Variants in TMEM132C observed in about 807,000 individuals in gnomAD.
The protein encoded by TMEM132C is protein phosphatase 1, regulatory subunit 152.
TMEM132C carries 29 observed loss-of-function variants against 61.4 expected under a neutral mutation model. The ratio of observed to expected loss-of-function variants is 0.47; its 90% CI spans 0.35 to 0.64. The LOEUF (loss-of-function observed/expected upper bound fraction) is 0.64. Among genes scored for constraint, TMEM132C ranks in the 30% least tolerant of loss-of-function variants. TMEM132C has a pLI of 0.00. For missense variants in TMEM132C, 1,408 were observed against 1,476.9 expected, an observed-to-expected ratio of 0.95 and a Z score of 0.76; for synonymous variants, 656 against 633.1, an observed-to-expected ratio of 1.04 and a Z score of -0.54.
chr12:128,494,613 A>C (rs1871871896), intron 2 of TMEM132C, among the ~76,000 whole-genome samples: 1 of 152,140 alleles, frequency 6.6e-6, no homozygotes, highest in African/African-American at 2.4e-5. Context: ...CATTTCTTCT[A>C]GATTTTTTAG....
Position 128,420,742 on chromosome 12 carries a change from G to A in TMEM132C, c.974+5122G>A, listed in dbSNP as rs528037209. Among the ~76,000 whole-genome samples the A allele has an allele frequency of 5.6e-4, 86 of 152,286 alleles. 1 individual carries two copies. The highest frequency in any genetic ancestry group is 6.8e-3 in the Middle Eastern group (2 of 294). ...AGATTTGTGGGCACACTTGTGTGAA[G>A]GAGACACAGCATCAGGATGTTGGGG... On this transcript the variant is annotated intron_variant, in intron 2 of 8. Transcript: ENST00000435159.
At chr12:128,483,787 A>C (rs1871395082) in intron 2 of TMEM132C, among the ~76,000 whole-genome samples, 1 of 152,190 alleles carries the variant, frequency 6.6e-6, no homozygotes, top group South Asian at 2.1e-4. Flanking sequence ...ATACAAGTAC[A>C]ACGTATTTCA....
intron 1 of TMEM132C, among the ~76,000 whole-genome samples, chr12:128,279,354 G>A (rs1038855313): frequency 1.9e-4 from 29 of 152,048 alleles, no homozygotes; most frequent in African/African-American, 5.8e-4. Flanking sequence ...TTAGCCCGAC[G>A]GGAAGATCTA....
At chr12:128,484,065 A>T (rs767013754) in intron 2 of TMEM132C, among the ~76,000 whole-genome samples, 5 of 152,264 alleles carry the variant, frequency 3.3e-5, no homozygotes, top group Admixed American at 1.3e-4. Flanking sequence ...ACTGAAGAGC[A>T]TTTGCACCAT....
intron 1 of TMEM132C, among the ~76,000 whole-genome samples, chr12:128,333,333 G>T (rs1032305444): frequency 2.0e-5 from 3 of 152,004 alleles, no homozygotes; most frequent in Non-Finnish European, 4.4e-5. Flanking sequence ...TGCGAGTGTT[G>T]TGTGTATGTG....
rs200813358 is a variant in TMEM132C, at chr12:128,298,419, CT to C, written c.85+30942del. Among the ~76,000 whole-genome samples the C allele has an allele frequency of 9.9e-5, 15 of 150,894 alleles. No homozygotes were observed. In the South Asian group the frequency reaches 2.1e-3, roughly 21 times the overall value. On this transcript the variant is annotated intron_variant, in intron 1 of 8. Coordinates refer to ENST00000435159, the MANE Select transcript of TMEM132C (RefSeq NM_001136103.3). ...TTTTTTGTCTGTTTATTTGTTTTAACTTTTTTTTTTAAATAGAGACTCACAG... is the reference window on the plus strand; with the variant it reads ...TTTTTTGTCTGTTTATTTGTTTTAACTTTTTTTTTAAATAGAGACTCACAG...
chr12:128,424,655 G>A (rs1347274515), intron 2 of TMEM132C, among the ~76,000 whole-genome samples: 3 of 152,152 alleles, frequency 2.0e-5, no homozygotes, highest in Non-Finnish European at 4.4e-5. Flanking sequence ...TTAAGTAGTG[G>A]TGATGGTTGC....
chr12:128,564,973 T>C (rs954944938), intron 3 of TMEM132C, among the ~76,000 whole-genome samples: 6 of 152,192 alleles, frequency 3.9e-5, no homozygotes, highest in Non-Finnish European at 8.8e-5. Context: ...TTATGGAGAA[T>C]GGTCTGAGAA....
intron 3 of TMEM132C, among the ~76,000 whole-genome samples, chr12:128,597,037 G>C (rs1041794568): frequency 2.0e-5 from 3 of 152,200 alleles, no homozygotes; most frequent in African/African-American, 7.2e-5. Context: ...TGCCCCCCTA[G>C]AAGTGAGTTT....
chr12:128,532,926 T>A (rs1163370727), intron 2 of TMEM132C, among the ~76,000 whole-genome samples: 1 of 152,176 alleles, frequency 6.6e-6, no homozygotes, highest in Non-Finnish European at 1.5e-5. Context: ...CCTAAGACAC[T>A]GTTAGTTTCC....
intron 2 of TMEM132C, among the ~76,000 whole-genome samples, chr12:128,517,756 C>A (rs1270368991): frequency 1.3e-5 from 2 of 152,114 alleles, no homozygotes; most frequent in Non-Finnish European, 2.9e-5. Context: ...TACCCAGCAG[C>A]CATGTCCTGT....
chr12:128,554,794 T>C (rs891092512), intron 3 of TMEM132C, among the ~76,000 whole-genome samples: 1 of 152,092 alleles, frequency 6.6e-6, no homozygotes, highest in African/African-American at 2.4e-5. Flanking sequence ...GCAGATGCTA[T>C]AAACACGCAT....
At chr12:128,375,668 CA>C (rs1443717904) in intron 1 of TMEM132C, among the ~76,000 whole-genome samples, 1 of 152,098 alleles carries the variant, frequency 6.6e-6, no homozygotes, top group Non-Finnish European at 1.5e-5. Context: ...CAAATAAGAT[CA>C]ATTCATAAGT....
chr12:128,449,145 A>C (rs1185688320), intron 2 of TMEM132C, among the ~76,000 whole-genome samples: 1 of 151,168 alleles, frequency 6.6e-6, no homozygotes. Flanking sequence ...TCAAAAAAAA[A>C]AAAAAAAAAA....
In TMEM132C at chr12:128,664,938, T is replaced by C. The variant is rs986300255; in HGVS notation, c.1306-4479T>C. The stretch of plus-strand genomic sequence containing the variant: ...CCAGATGCAAAGAACTCTGTAGGCC[T>C]GCCACATCAATATCATACACACAGG... On this transcript the variant is annotated intron_variant, in intron 4 of 8. Transcript: ENST00000435159. 2.0e-5 allele frequency among the ~76,000 whole-genome samples: 3 copies of C among 146,690 alleles called. No homozygotes were observed. The East Asian group carries it at 5.8e-4, about 28-fold the overall frequency.
intron 2 of TMEM132C, among the ~76,000 whole-genome samples, chr12:128,533,948 TACACAC>T (rs55794743): frequency 0.072 from 10,488 of 145,684 alleles, 819 homozygotes; most frequent in African/African-American, 0.18. Context: ...CATGCGCACA[TACACAC>T]ACACACACAC....
At chr12:128,512,331 T>G (rs931788757) in intron 2 of TMEM132C, among the ~76,000 whole-genome samples, 2 of 152,200 alleles carry the variant, frequency 1.3e-5, no homozygotes, top group African/African-American at 4.8e-5. Flanking sequence ...AATATTTTCT[T>G]GTTTTTACCT....
At position 128,701,014 on chromosome 12, in the gene TMEM132C, G is replaced by A. The variant is rs528704606; in HGVS notation, c.2121+3599G>A. ...AGTAGAGTGTATTACCAACTCAGCC[G>A]CCGCCAAGGGCAGCCGGAGCTCCTG... is the stretch of plus-strand genomic sequence containing the variant. On this transcript the variant is annotated intron_variant, in intron 8 of 8. Transcript: ENST00000435159. Among the ~76,000 whole-genome samples, 13 of 152,246 alleles carry A rather than the reference G, an allele frequency of 8.5e-5. 1 individual carries two copies. The South Asian group carries it at 1.2e-3, about 15-fold the overall frequency.
chr12:128,577,802 G>A (rs1875174388), intron 3 of TMEM132C, among the ~76,000 whole-genome samples: 1 of 152,156 alleles, frequency 6.6e-6, no homozygotes, highest in African/African-American at 2.4e-5. Flanking sequence ...CAGTTAAGCA[G>A]GTACCTGCCC....
Sources: gnomAD v4.1 joint callset for allele counts (sites outside exome capture counted in the v4.1 genomes callset) on GRCh38, gnomAD v4.1.1 for gene constraint, MANE v1.5 for transcripts, NCBI Gene and HGNC (gene_info 2026-07-23, HGNC 2026-07-21) for gene names.